The following STON2 variants were observed in gnomAD, a reference collection of about 807,000 sequenced individuals.
STON2 encodes stonin-2.
Under a neutral mutation model 65.7 loss-of-function variants are expected in STON2, and 29 were observed. The observed-to-expected ratio is 0.44, with a 90% CI of 0.33 to 0.60. The LOEUF (loss-of-function observed/expected upper bound fraction) is 0.60, where lower values mean the gene tolerates loss of function less well. Ranked by LOEUF, STON2 falls within the 20% of genes least tolerant of loss-of-function variation. The pLI is 0.03. For synonymous variants in STON2, 404 were observed against 414.2 expected (o/e 0.98, Z 0.30); for missense variants, 1,054 against 1,118.1 (o/e 0.94, Z 0.82).
At chr14:81,269,221 T>G (rs8007595) in intron 7 of STON2, 458,422 of 674,876 alleles carry the variant, frequency 0.68, 156,537 homozygotes, top group Middle Eastern at 0.7. Context: ...GGCCAGGCTG[T>G]TCTTGAATTC....
chr14:81,293,521 TAAC>T (rs905910179), intron 5 of STON2, among the ~76,000 whole-genome samples: 3 of 152,096 alleles, frequency 2.0e-5, no homozygotes, highest in Non-Finnish European at 4.4e-5. Flanking sequence ...CTGTGGGAGA[TAAC>T]AAAAATGGCC....
chr14:81,365,381 T>C (rs1479074519), intron 4 of STON2, among the ~76,000 whole-genome samples: 1 of 152,198 alleles, frequency 6.6e-6, no homozygotes, highest in Non-Finnish European at 1.5e-5. Context: ...TGCTATGTGC[T>C]TCATCCAGTC....
rs1381748580 is a variant in STON2 at position 81,398,411 on chromosome 14, T to G, written c.-29A>C. 6.4e-7 allele frequency: 1 copy of G among 1,573,170 alleles called. No individual in the cohort carries two copies. Among genetic ancestry groups the G allele is most frequent in the Non-Finnish European group, 8.7e-7 (1 of 1,142,950 alleles). Reference sequence around the variant, plus strand: ...AAAAAGGCACTGGTCATCTTCACACTGCTGACCTCAGGTGAACCCCAGAAT... The same window carrying G: ...AAAAAGGCACTGGTCATCTTCACACGGCTGACCTCAGGTGAACCCCAGAAT... On this transcript the variant is annotated 5_prime_UTR_variant, in exon 2 of 8. Transcript: ENST00000614646.
At position 81,270,792 on chromosome 14, in the gene STON2, C is replaced by T. The variant is rs141381354; in HGVS notation, c.2662G>A (p.Val888Met). The change falls in exon 7 of 8, where the codon GTG becomes ATG. Residue 888 changes from valine to methionine, a missense_variant. Val to Met is a conservative substitution (Grantham distance 21). Transcript: ENST00000614646. ...GTGGGCATGCTGAACTCGACATTCA[C>T]GTGATTGGCAAATCTGGAAGGCACT... ...REVPSRFANH[V>M]NVEFSMPTTS... is the part of the protein sequence containing the mutation. 6.2e-6 allele frequency: 10 copies of T among 1,613,964 alleles called. No homozygotes were observed. Among genetic ancestry groups the T allele is most frequent in the Middle Eastern group, 1.7e-4 (1 of 6,024 alleles).
At chr14:81,377,768 G>C (rs1339481561) in intron 3 of STON2, among the ~76,000 whole-genome samples, 1 of 151,934 alleles carries the variant, frequency 6.6e-6, no homozygotes, top group Admixed American at 6.6e-5. Flanking sequence ...TAATGATATT[G>C]AATATCTTTT....
At chr14:81,386,086 G>T (rs1369020115) in intron 3 of STON2, among the ~76,000 whole-genome samples, 3 of 152,184 alleles carry the variant, frequency 2.0e-5, no homozygotes, top group Non-Finnish European at 1.5e-5. Context: ...GAGCCCAGGG[G>T]AGAGGATCAG....
At position 81,394,402 on chromosome 14, in the gene STON2, A is replaced by T. The variant is rs143961188; in HGVS notation, c.373+1492T>A. On this transcript the variant is annotated intron_variant, in intron 3 of 7. Transcript: ENST00000614646. The stretch of plus-strand genomic sequence containing the variant: ...AACACACCAACAGAAAAATATATCA[A>T]CCCTGCTTTTTGCTAGTAGGTCTCT... 1.6e-4 allele frequency among the ~76,000 whole-genome samples: 24 copies of T among 151,790 alleles called. No homozygotes were observed. In the East Asian group the frequency reaches 2.7e-3, roughly 17 times the overall value.
intron 1 of STON2, among the ~76,000 whole-genome samples, chr14:81,430,821 T>C (rs1423237258): frequency 1.3e-5 from 2 of 152,222 alleles, no homozygotes; most frequent in Admixed American, 6.5e-5. Flanking sequence ...ATTTCTTAAA[T>C]ATCAAAGTGC....
At chr14:81,420,043 T>C (rs1392546038) in intron 2 of STON2, among the ~76,000 whole-genome samples, 1 of 152,176 alleles carries the variant, frequency 6.6e-6, no homozygotes. Flanking sequence ...GTTCACACCA[T>C]GTTGGCCCAA....
At chr14:81,402,302 T>C (rs1472780266), upstream of STON2, among the ~76,000 whole-genome samples, 1 of 152,122 alleles carries the variant, frequency 6.6e-6, no homozygotes, top group Non-Finnish European at 1.5e-5. Flanking sequence ...ATCAGGAACA[T>C]GTACTGTTTC....
At chr14:81,434,134 T>C (rs1372024047) in intron 1 of STON2, among the ~76,000 whole-genome samples, 3 of 152,184 alleles carry the variant, frequency 2.0e-5, no homozygotes, top group East Asian at 1.9e-4. Context: ...GGCGCCTCCA[T>C]TCATTAGTAC....
chr14:81,354,071 C>A (rs76934249), intron 4 of STON2, among the ~76,000 whole-genome samples: 4,379 of 152,290 alleles, frequency 0.029, 81 homozygotes, highest in African/African-American at 0.051. Context: ...AGAAACTCCA[C>A]CTGACCTCTG....
At chr14:81,381,287 A>G (rs1221909281) in intron 3 of STON2, among the ~76,000 whole-genome samples, 1 of 151,522 alleles carries the variant, frequency 6.6e-6, no homozygotes, top group Admixed American at 6.6e-5. Context: ...GTAGAGAAAT[A>G]TTTTCTTTAC....
At chr14:81,271,077 G>A (rs112678679) in intron 6 of STON2, among the ~76,000 whole-genome samples, 23 of 152,178 alleles carry the variant, frequency 1.5e-4, no homozygotes, top group South Asian at 2.1e-4. Flanking sequence ...TAACTCCATC[G>A]GATTCTAGCA....
intron 2 of STON2, among the ~76,000 whole-genome samples, chr14:81,407,495 G>A (rs1397642505): frequency 6.6e-6 from 1 of 152,126 alleles, no homozygotes. Flanking sequence ...TTAAATCTTT[G>A]GCCATCTTCC....
At chr14:81,410,456 G>A (rs1478322349) in intron 2 of STON2, among the ~76,000 whole-genome samples, 1 of 152,146 alleles carries the variant, frequency 6.6e-6, no homozygotes, top group Admixed American at 6.5e-5. Flanking sequence ...TTAAGACAGG[G>A]AGATGATCCA....
intron 2 of STON2, among the ~76,000 whole-genome samples, chr14:81,422,472 G>A (rs575656490): frequency 6.6e-6 from 1 of 152,220 alleles, no homozygotes; most frequent in African/African-American, 2.4e-5. Context: ...AAATTACCCA[G>A]TCTTGGGTGT....
intron 2 of STON2, among the ~76,000 whole-genome samples, chr14:81,423,402 G>A (rs915062117): frequency 6.6e-6 from 1 of 152,136 alleles, no homozygotes; most frequent in African/African-American, 2.4e-5. Flanking sequence ...ACTTCTCAAA[G>A]TCCTAGGGAT....
At chr14:81,423,526 C>T (rs1477763616) in intron 2 of STON2, among the ~76,000 whole-genome samples, 2 of 152,132 alleles carry the variant, frequency 1.3e-5, no homozygotes, top group Non-Finnish European at 2.9e-5. Context: ...CAGAAGGAAG[C>T]CAGGCACTGT....
Sources: gnomAD v4.1 joint callset for allele counts (sites outside exome capture counted in the v4.1 genomes callset) on GRCh38, gnomAD v4.1.1 for gene constraint, MANE v1.5 for transcripts, NCBI Gene and HGNC (gene_info 2026-07-23, HGNC 2026-07-21) for gene names.